Variants in MYOM1 observed in about 807,000 individuals in gnomAD.
The protein encoded by MYOM1 is myomesin 1.
In MYOM1, 164 loss-of-function variants were observed where a neutral mutation model predicts 205.3. That is an observed-to-expected ratio of 0.80 (90% CI 0.70 to 0.91). MYOM1 has a LOEUF of 0.91. Among genes scored for constraint, MYOM1 ranks in the 40% least tolerant of loss-of-function variants. The probability of loss-of-function intolerance (pLI) is 0.00; values close to 1 mark genes in which losing one functional copy is unlikely to be tolerated. For missense variants in MYOM1, 2,011 were observed against 2,127.3 expected (o/e 0.95, Z 1.08); for synonymous variants, 772 against 789.4 (o/e 0.98, Z 0.37).
intron 1 of MYOM1, among the ~76,000 whole-genome samples, chr18:3,218,378 AT>A (rs1296906281): frequency 1.3e-5 from 2 of 152,220 alleles, no homozygotes; most frequent in Non-Finnish European, 2.9e-5. Context: ...TATTTAAACT[AT>A]TTTAAAAGTC....
At chr18:3,120,165 C>T (rs1305357271) in intron 19 of MYOM1, among the ~76,000 whole-genome samples, 170 bp from the exon 20 acceptor site, 1 of 152,138 alleles carries the variant, frequency 6.6e-6, no homozygotes, top group Non-Finnish European at 1.5e-5. Context: ...CCGTGACCTC[C>T]TTGTAGCCTA....
intron 10 of MYOM1, among the ~76,000 whole-genome samples, chr18:3,162,631 C>G (rs1411985318): frequency 2.0e-5 from 3 of 152,134 alleles, no homozygotes; most frequent in Non-Finnish European, 4.4e-5. Flanking sequence ...TAAAAAAACA[C>G]AGAACACTAC....
intron 5 of MYOM1, among the ~76,000 whole-genome samples, chr18:3,178,829 T>A (rs11665491): frequency 0.37 from 55,968 of 151,874 alleles, 10,349 homozygotes; most frequent in South Asian, 0.43. Flanking sequence ...TCTTCTATTA[T>A]GTTGCCAAAC....
chr18:3,102,372 ACTTC>A, intron 23 of MYOM1, 98 bp downstream of exon 23: 1 of 1,120,074 alleles, frequency 8.9e-7, no homozygotes, highest in Non-Finnish European at 1.3e-6. Context: ...AATATAAGTG[ACTTC>A]ATCCTCTTAT....
intron 22 of MYOM1, among the ~76,000 whole-genome samples, chr18:3,111,732 A>G (rs2079530084): frequency 6.6e-6 from 1 of 152,196 alleles, no homozygotes; most frequent in Non-Finnish European, 1.5e-5. Flanking sequence ...AGCCATGCTC[A>G]TTAGTTTATG....
At chr18:3,201,343 G>A (rs987228771) in intron 2 of MYOM1, among the ~76,000 whole-genome samples, 2 of 151,650 alleles carry the variant, frequency 1.3e-5, no homozygotes, top group Admixed American at 6.6e-5. Context: ...AGCTTGCAGT[G>A]AGCCAAGATC....
intron 8 of MYOM1, among the ~76,000 whole-genome samples, chr18:3,170,919 T>C (rs1395724343): frequency 9.2e-5 from 14 of 152,208 alleles, no homozygotes; most frequent in Non-Finnish European, 2.1e-4. Flanking sequence ...TTTGTCCCTC[T>C]TCCTAAGACT....
rs1252022840 is a variant in MYOM1, at chr18:3,179,986, A to G, written c.930-3852T>C. Among the ~76,000 whole-genome samples the G allele has an allele frequency of 3.3e-5, 5 of 152,132 alleles. No homozygotes were observed. The highest frequency in any genetic ancestry group is 2.1e-4 in the South Asian group (1 of 4,828). On this transcript the variant is annotated intron_variant, in intron 5 of 37. Coordinates refer to ENST00000356443, the MANE Select transcript of MYOM1 (RefSeq NM_003803.4). This position sits in a 1 kb window ranked among gnomAD's most constrained non-coding sequence, Gnocchi z 4.4. ...GATCAAAAGTATTGCTCATATCTCT[A>G]TAAAATTTTCATTACAAAGTATTCT...
the MYOM1 span, among the ~76,000 whole-genome samples, chr18:3,232,856 G>A: frequency 2.6e-5 from 4 of 152,004 alleles, no homozygotes; most frequent in African/African-American, 7.2e-5. Context: ...ATCATGTGTT[G>A]AGCACTGCAG....
intron 22 of MYOM1, among the ~76,000 whole-genome samples, chr18:3,109,652 G>A (rs1442574412): frequency 6.6e-6 from 1 of 152,206 alleles, no homozygotes; most frequent in Non-Finnish European, 1.5e-5. Flanking sequence ...TGAGAGAGTT[G>A]TTGTCGTTGT....
At chr18:3,080,855 C>T (rs991341435) in intron 33 of MYOM1, among the ~76,000 whole-genome samples, 2 of 151,660 alleles carry the variant, frequency 1.3e-5, no homozygotes, top group Non-Finnish European at 2.9e-5. Context: ...TAAACAGGGC[C>T]GGGCGTGGTG....
chr18:3,118,321 C>T (rs1190805115), intron 20 of MYOM1, among the ~76,000 whole-genome samples: 1 of 150,020 alleles, frequency 6.7e-6, no homozygotes, highest in Non-Finnish European at 1.5e-5. Flanking sequence ...TGACAGCGCT[C>T]ACCTGCAACC....
intron 2 of MYOM1, among the ~76,000 whole-genome samples, chr18:3,198,432 T>C (rs2081020989): frequency 6.6e-6 from 1 of 152,218 alleles, no homozygotes. Flanking sequence ...GATTTTTATA[T>C]TCTCAGCACT....
intron 2 of MYOM1, among the ~76,000 whole-genome samples, chr18:3,208,768 G>A (rs1309072609): frequency 2.6e-5 from 4 of 151,924 alleles, no homozygotes; most frequent in Admixed American, 6.6e-5. Context: ...CAATAAAATC[G>A]TTTCTAAAGG....
chr18:3,207,847 C>T (rs1161301645), intron 2 of MYOM1, among the ~76,000 whole-genome samples: 1 of 152,208 alleles, frequency 6.6e-6, no homozygotes, highest in Non-Finnish European at 1.5e-5. Flanking sequence ...CAGCATGATT[C>T]ACCTGCCTAG....
rs1336829730 is a variant in MYOM1 at position 3,215,003 on chromosome 18, G to C, written c.221C>G (p.Ser74Trp). Residue 74 changes from serine (S) to tryptophan (W), a missense_variant, in exon 2 of 38, where the codon TCG (serine) becomes TGG (tryptophan). Transcript: ENST00000356443. Reference sequence around the variant, plus strand: ...GACTTCAGAGCTCAGGGCGTGCTGCGAGGCCTGCTGCTGGGAGGAGGAGGC... The same window carrying C: ...GACTTCAGAGCTCAGGGCGTGCTGCCAGGCCTGCTGCTGGGAGGAGGAGGC... ...ASASSSQQQA[S>W]QHALSSEVSR... 2 of 1,611,928 alleles carry C rather than the reference G, an allele frequency of 1.2e-6. No homozygotes were observed. Among genetic ancestry groups the C allele is most frequent in the Non-Finnish European group, 1.7e-6 (2 of 1,178,958 alleles).
intron 13 of MYOM1, among the ~76,000 whole-genome samples, chr18:3,147,206 T>C (rs2080142054): frequency 6.7e-6 from 1 of 149,044 alleles, no homozygotes; most frequent in African/African-American, 2.4e-5. Flanking sequence ...TTGTCAGAGT[T>C]TGTGCAAAAA....
chr18:3,243,703 C>T, the MYOM1 span, among the ~76,000 whole-genome samples: 3 of 152,104 alleles, frequency 2.0e-5, no homozygotes, highest in African/African-American at 4.8e-5. Flanking sequence ...ATTTATAACC[C>T]AGGTTCTTTC....
chr18:3,114,004 A>G (rs2079567231), intron 21 of MYOM1, among the ~76,000 whole-genome samples: 1 of 152,214 alleles, frequency 6.6e-6, no homozygotes, highest in Non-Finnish European at 1.5e-5. Flanking sequence ...CGGATTTTTG[A>G]AATGGATTTT....
Sources: allele counts gnomAD v4.1 joint callset (sites outside exome capture counted in the v4.1 genomes callset), GRCh38; gene constraint gnomAD v4.1.1; non-coding constraint Gnocchi (gnomAD v3.1); transcripts MANE v1.5; gene names NCBI Gene and HGNC (gene_info 2026-07-23, HGNC 2026-07-21).